CACNA1D: variants seen among roughly 807,000 people sequenced by gnomAD.
CACNA1D encodes the protein voltage-dependent L-type calcium channel subunit alpha-1D.
In CACNA1D, 55 loss-of-function variants were observed where a neutral mutation model predicts 257.1. The ratio of observed to expected loss-of-function variants is 0.21; its 90% CI spans 0.17 to 0.27. The LOEUF (loss-of-function observed/expected upper bound fraction) is 0.27, where lower values mean the gene tolerates loss of function less well. Ranked by LOEUF, CACNA1D falls within the 10% of genes least tolerant of loss-of-function variation. The pLI, the probability that CACNA1D is intolerant of heterozygous loss-of-function variation, is 1.00. For missense variants in CACNA1D, 1,876 were observed against 2,784.0 expected (o/e 0.67, Z 7.34); for synonymous variants, 980 against 1,014.9 (o/e 0.97, Z 0.65).
intron 3 of CACNA1D, among the ~76,000 whole-genome samples, chr3:53,578,070 G>C (rs566240309): frequency 6.6e-6 from 1 of 152,142 alleles, no homozygotes; most frequent in Non-Finnish European, 1.5e-5. Flanking sequence ...AAAGTCTGTG[G>C]GGGATGGAAA....
intron 26 of CACNA1D, 153 bp from the exon 27 acceptor site, chr3:53,749,115 G>A (rs2095200805): frequency 1.4e-6 from 1 of 708,474 alleles, no homozygotes; most frequent in Admixed American, 2.0e-5. Context: ...GAGGCTGATG[G>A]GAGAGACCTG....
chr3:53,735,150 C>T (rs1264619757), intron 19 of CACNA1D, among the ~76,000 whole-genome samples: 1 of 152,188 alleles, frequency 6.6e-6, no homozygotes, highest in African/African-American at 2.4e-5. Flanking sequence ...GTGTGGCACC[C>T]CCAGCACAGA....
intron 3 of CACNA1D, among the ~76,000 whole-genome samples, chr3:53,531,278 C>T (rs1384039506): frequency 6.6e-6 from 1 of 152,044 alleles, no homozygotes; most frequent in Non-Finnish European, 1.5e-5. Flanking sequence ...GTTTAATATA[C>T]CCTTAAGAAT....
chr3:53,579,013 T>G (rs2093085949), intron 3 of CACNA1D, among the ~76,000 whole-genome samples: 1 of 152,164 alleles, frequency 6.6e-6, no homozygotes, highest in African/African-American at 2.4e-5. Context: ...GGAATTCCTC[T>G]GACAGCCTGT....
intron 3 of CACNA1D, among the ~76,000 whole-genome samples, chr3:53,614,599 C>T (rs549062170): frequency 3.3e-5 from 5 of 152,144 alleles, no homozygotes; most frequent in Non-Finnish European, 7.3e-5. Context: ...CACACTTTGC[C>T]AGTTGACAAA....
chr3:53,522,320 C>T (rs550681656), intron 3 of CACNA1D, among the ~76,000 whole-genome samples: 17 of 152,286 alleles, frequency 1.1e-4, no homozygotes, highest in African/African-American at 4.1e-4. Context: ...CTGTGGGTCC[C>T]TCATCTACCT....
intron 3 of CACNA1D, among the ~76,000 whole-genome samples, chr3:53,594,980 A>G (rs1347251084): frequency 6.6e-6 from 1 of 152,240 alleles, no homozygotes; most frequent in Non-Finnish European, 1.5e-5. Flanking sequence ...GGCATTAGGC[A>G]TGGTGGGAGT....
chr3:53,573,671 G>A (rs2092987438), intron 3 of CACNA1D, among the ~76,000 whole-genome samples: 1 of 152,170 alleles, frequency 6.6e-6, no homozygotes, highest in Non-Finnish European at 1.5e-5. Context: ...ATGAGGGCAA[G>A]GAGTTTCTTC....
chr3:53,710,552 G>GC, intron 9 of CACNA1D: 1 of 452,268 alleles, frequency 2.2e-6, no homozygotes. Context: ...GGCATTGTGT[G>GC]AAGTGCATGT....
chr3:53,727,954 C>T (rs2094951916), intron 15 of CACNA1D, among the ~76,000 whole-genome samples: 1 of 151,912 alleles, frequency 6.6e-6, no homozygotes, highest in Admixed American at 6.6e-5. Flanking sequence ...TTATAAAAAC[C>T]CCATCTCAAC....
At chr3:53,509,649 G>A (rs1312506328) in intron 3 of CACNA1D, among the ~76,000 whole-genome samples, 1 of 152,106 alleles carries the variant, frequency 6.6e-6, no homozygotes, top group Non-Finnish European at 1.5e-5. Context: ...AGTGAGTGTG[G>A]TGGGATCCCG....
At chr3:53,569,310 C>T (rs897851897) in intron 3 of CACNA1D, among the ~76,000 whole-genome samples, 4 of 152,210 alleles carry the variant, frequency 2.6e-5, no homozygotes, top group African/African-American at 7.2e-5. Flanking sequence ...TGGAGAGGCA[C>T]GCCCTGTCCT....
At chr3:53,605,013 C>A (rs762738595) in intron 3 of CACNA1D, among the ~76,000 whole-genome samples, 16 of 152,194 alleles carry the variant, frequency 1.1e-4, no homozygotes, top group Non-Finnish European at 2.1e-4. Context: ...TTCTCCTCTA[C>A]TCAAGAAGGT....
chr3:53,796,299 T>C (rs1363374992), intron 40 of CACNA1D: 1 of 455,760 alleles, frequency 2.2e-6, no homozygotes, highest in African/African-American at 2.0e-5. Flanking sequence ...CAGGCAGGGT[T>C]CTTTGGCTGG....
chr3:53,674,678 C>G (rs1023439486), intron 8 of CACNA1D, among the ~76,000 whole-genome samples: 9 of 152,158 alleles, frequency 5.9e-5, no homozygotes, highest in African/African-American at 4.8e-5. Context: ...TCAGACACCC[C>G]CAGAAGGTGG....
At chr3:53,782,264 G>GTGTGTATATATATATATATATA (rs6147823) in intron 39 of CACNA1D, 54 of 75,426 alleles carry the variant, frequency 7.2e-4, no homozygotes, top group African/African-American at 2.2e-3. Flanking sequence ...GTGTGTGTGT[G>GTGTGTATATATATATATATATA]TATATATATA....
intron 3 of CACNA1D, among the ~76,000 whole-genome samples, chr3:53,581,074 A>G (rs929470736): frequency 4.6e-5 from 7 of 152,194 alleles, no homozygotes; most frequent in African/African-American, 1.7e-4. Context: ...TTGCTGTCTA[A>G]ATGGGGCTAA....
Position 53,735,402 on chromosome 3 carries a change from A to C in CACNA1D, c.2650A>C (p.Asn884His), listed in dbSNP as rs746091903. 1.9e-6 allele frequency: 3 copies of C among 1,613,974 alleles called. No individual in the cohort carries two copies. The highest frequency in any genetic ancestry group is 2.5e-6 in the Non-Finnish European group (3 of 1,179,942). The change falls in exon 20 of 48, where the codon AAC (asparagine) becomes CAC (histidine). Residue 884 changes from asparagine to histidine, a missense_variant. Asn to His is a moderately conservative substitution (Grantham distance 68). Around this residue, in one of 10 missense-constraint regions of CACNA1D, gnomAD observed 271 missense variants for 425.5 expected, o/e 0.64. Coordinates refer to ENST00000350061, the MANE Select transcript of CACNA1D (RefSeq NM_001128840.3). ...PIRVGCHKLI[N>H]HHIFTNLILV... ...CCGCGTAGGCTGCCACAAGCTCATCAACCACCACATCTTCACCAACCTCAT... is the reference window on the plus strand; with the variant it reads ...CCGCGTAGGCTGCCACAAGCTCATCCACCACCACATCTTCACCAACCTCAT...
chr3:53,601,616 A>G (rs1370754169), intron 3 of CACNA1D, among the ~76,000 whole-genome samples: 1 of 152,268 alleles, frequency 6.6e-6, no homozygotes, highest in Non-Finnish European at 1.5e-5. Context: ...GACCCCATGT[A>G]GAAAACGTAT....
Sources: gnomAD v4.1 joint callset for allele counts (sites outside exome capture counted in the v4.1 genomes callset) on GRCh38, gnomAD v4.1.1 for gene constraint, gnomAD v4.1.1 regional missense constraint, MANE v1.5 for transcripts, NCBI Gene and HGNC (gene_info 2026-07-23, HGNC 2026-07-21) for gene names.